BMAL2: variants seen among roughly 807,000 people sequenced by gnomAD.
The protein encoded by BMAL2 is basic helix-loop-helix ARNT-like protein 2.
the BMAL2 span, among the ~76,000 whole-genome samples, chr12:27,340,258 A>G: frequency 6.6e-6 from 1 of 152,112 alleles, no homozygotes. Context: ...TCTTTAATCC[A>G]TCTTGAGTTG....
At chr12:27,376,467 C>T in the BMAL2 span, 22 of 1,297,428 alleles carry the variant, frequency 1.7e-5, no homozygotes, top group Non-Finnish European at 2.3e-5. Flanking sequence ...GCAAAGGTGA[C>T]ACCAAGGTAG....
At chr12:27,418,823 C>T in the BMAL2 span, among the ~76,000 whole-genome samples, 1 of 151,698 alleles carries the variant, frequency 6.6e-6, no homozygotes, top group Non-Finnish European at 1.5e-5. Context: ...ACTGAAAATA[C>T]AAAAAATTAG....
At chr12:27,346,786 A>G in the BMAL2 span, among the ~76,000 whole-genome samples, 1 of 152,166 alleles carries the variant, frequency 6.6e-6, no homozygotes, top group Non-Finnish European at 1.5e-5. Flanking sequence ...TGCCCCCTCC[A>G]AACCTCATGT....
At chr12:27,396,077 G>A in the BMAL2 span, among the ~76,000 whole-genome samples, 6 of 152,192 alleles carry the variant, frequency 3.9e-5, no homozygotes, top group Admixed American at 1.3e-4. Flanking sequence ...CTTTAAAGAT[G>A]TAATTAAGGG....
chr12:27,418,072 C>T, the BMAL2 span: 1 of 1,542,020 alleles, frequency 6.5e-7, no homozygotes, highest in South Asian at 1.1e-5. Flanking sequence ...GTTTGTTACT[C>T]TGGCTGTCTT....
chr12:27,336,851 G>A, the BMAL2 span, among the ~76,000 whole-genome samples: 1 of 150,612 alleles, frequency 6.6e-6, no homozygotes, highest in Non-Finnish European at 1.5e-5. Flanking sequence ...TCAGGAGGCT[G>A]AGGTGGGAGA....
chr12:27,387,977 C>T, the BMAL2 span, among the ~76,000 whole-genome samples: 1 of 152,076 alleles, frequency 6.6e-6, no homozygotes, highest in Non-Finnish European at 1.5e-5. Context: ...ATATTATGAG[C>T]CTGTGTACAG....
the BMAL2 span, among the ~76,000 whole-genome samples, chr12:27,368,732 G>T: frequency 6.6e-6 from 1 of 152,084 alleles, no homozygotes; most frequent in Non-Finnish European, 1.5e-5. Context: ...AAAACACCTT[G>T]GATGTTTGAT....
chr12:27,397,177 TCTC>T, the BMAL2 span, among the ~76,000 whole-genome samples: 147 of 152,264 alleles, frequency 9.7e-4, 1 homozygote, highest in African/African-American at 3.3e-3. Flanking sequence ...TTCAAGCCGT[TCTC>T]CTGCTTCAGC....
At chr12:27,410,557 G>A in the BMAL2 span, among the ~76,000 whole-genome samples, 1 of 152,094 alleles carries the variant, frequency 6.6e-6, no homozygotes, top group Non-Finnish European at 1.5e-5. Context: ...AGAACACATG[G>A]ACACAGGAAG....
At chr12:27,398,733 A>G in the BMAL2 span, among the ~76,000 whole-genome samples, 1 of 152,224 alleles carries the variant, frequency 6.6e-6, no homozygotes, top group Non-Finnish European at 1.5e-5. Flanking sequence ...GCAACAGGCT[A>G]GGTTCTATGT....
At chr12:27,395,777 G>A in the BMAL2 span, among the ~76,000 whole-genome samples, 5 of 152,192 alleles carry the variant, frequency 3.3e-5, no homozygotes, top group Non-Finnish European at 7.3e-5. Flanking sequence ...ATTCGTAGTT[G>A]AATTCTGGGA....
chr12:27,415,325 A>G, the BMAL2 span, among the ~76,000 whole-genome samples: 17 of 152,176 alleles, frequency 1.1e-4, no homozygotes, highest in East Asian at 3.8e-4. Flanking sequence ...ACAGTATACC[A>G]TCGTATTGTA....
At chr12:27,376,314 G>T in the BMAL2 span, 7 of 1,593,166 alleles carry the variant, frequency 4.4e-6, no homozygotes, top group Non-Finnish European at 6.0e-6. Flanking sequence ...GGTACTTCAT[G>T]TAGTTTGATA....
chr12:27,389,315 A>G, the BMAL2 span: 3 of 1,478,784 alleles, frequency 2.0e-6, no homozygotes, highest in Admixed American at 1.7e-5. Flanking sequence ...CCATTTCCGC[A>G]TGCTTATTAT....
the BMAL2 span, chr12:27,380,404 G>C: frequency 6.2e-7 from 1 of 1,613,974 alleles, no homozygotes; most frequent in South Asian, 1.1e-5. Flanking sequence ...ATCTTTAAAA[G>C]GTGAGTTTGA....
At chr12:27,415,727 AGTCT>A in the BMAL2 span, 8 of 627,426 alleles carry the variant, frequency 1.3e-5, no homozygotes, top group African/African-American at 1.3e-4. Flanking sequence ...CTAGTAAGTC[AGTCT>A]AATTGTGAAA....
At chr12:27,400,858 TTTC>T in the BMAL2 span, 3 of 1,212,106 alleles carry the variant, frequency 2.5e-6, no homozygotes, top group Non-Finnish European at 3.4e-6. Context: ...ACTGCTAGTT[TTTC>T]TTTTTCTTTT....
the BMAL2 span, chr12:27,385,692 T>A: frequency 1.4e-5 from 8 of 591,694 alleles, no homozygotes; most frequent in Middle Eastern, 9.2e-4. Context: ...TCCTTTAATA[T>A]AGAAGTTTAA....
Sources: gnomAD v4.1 joint callset for allele counts (sites outside exome capture counted in the v4.1 genomes callset) on GRCh38, gnomAD v4.1.1 for gene constraint, MANE v1.5 for transcripts, NCBI Gene and HGNC (gene_info 2026-07-23, HGNC 2026-07-21) for gene names.